The following DCBLD1 variants were observed in gnomAD, a reference collection of about 807,000 sequenced individuals.
DCBLD1 encodes discoidin, CUB and LCCL domain containing 1.
Under a neutral mutation model 71.5 loss-of-function variants are expected in DCBLD1, and 57 were observed. That is an observed-to-expected ratio of 0.80 (90% confidence interval 0.64 to 0.99). The LOEUF is 0.99. Ranked by LOEUF, DCBLD1 falls within the 50% of genes least tolerant of loss-of-function variation. DCBLD1 has a pLI of 0.00. For synonymous variants in DCBLD1, 380 were observed against 363.8 expected (o/e 1.04, Z -0.51); for missense variants, 891 against 923.5 (o/e 0.96, Z 0.46).
At position 117,482,836 on chromosome 6, in the gene DCBLD1, C is replaced by T. The variant is rs2114332551; in HGVS notation, c.55C>T (p.Leu19Phe). Residue 19 changes from leucine to phenylalanine, a missense_variant, in exon 1 of 15, where the codon CTC (leucine) becomes TTC (phenylalanine). Physicochemically the swap from Leu to Phe is conservative, Grantham distance 22. Transcript: ENST00000338728. ...ACTGGCGCGGGCTGCCGGGCGGGGC[C>T]TCCTGGCTTTGCTGCTCGCGGTCTC... ...GALARAAGRGLLALLLAVSAP... is the reference protein window; with the variant it reads ...GALARAAGRGFLALLLAVSAP... 3.4e-6 allele frequency: 4 copies of T among 1,175,736 alleles called. No individual in the cohort carries two copies. Among genetic ancestry groups the T allele is most frequent in the Non-Finnish European group, 3.1e-6 (3 of 952,944 alleles). The allele number at this position is 1,175,736 out of a possible 1,614,324, so 72.8% of individuals were successfully genotyped here.
chr6:117,507,249 G>T (rs1390004753), intron 2 of DCBLD1, among the ~76,000 whole-genome samples: 1 of 152,100 alleles, frequency 6.6e-6, no homozygotes, highest in Non-Finnish European at 1.5e-5. Flanking sequence ...TATACTTTGG[G>T]TATTTTGGTA....
intron 5 of DCBLD1, among the ~76,000 whole-genome samples, chr6:117,529,643 T>C (rs988324233): frequency 6.6e-6 from 1 of 152,196 alleles, no homozygotes; most frequent in African/African-American, 2.4e-5. Context: ...CAAATAAACA[T>C]CAATTTCCTT....
intron 14 of DCBLD1, among the ~76,000 whole-genome samples, chr6:117,547,411 G>C (rs2114574613): frequency 6.6e-6 from 1 of 152,322 alleles, no homozygotes; most frequent in South Asian, 2.1e-4. Context: ...GCCTGGCAAA[G>C]AGTAGGAGCT....
Position 117,547,927 on chromosome 6 carries a change from A to G in DCBLD1, c.1636A>G (p.Ile546Val). 1 of 1,550,426 alleles carries G rather than the reference A, an allele frequency of 6.4e-7. No homozygotes were observed. Among genetic ancestry groups the G allele is most frequent in the Non-Finnish European group, 8.7e-7 (1 of 1,146,930 alleles). The change falls in exon 15 of 15, where the codon ATT becomes GTT. Residue 546 changes from isoleucine (I) to valine (V), a missense_variant. Transcript: ENST00000338728. ...DMADYQQPLM[I>V]GTGTVTRKGS... The stretch of plus-strand genomic sequence containing the variant: ...TTCAGATTACCAGCAGCCCCTCATG[A>G]TTGGCACCGGGACAGTCACGAGGAA...
At chr6:117,521,429 TTTTAAAAAC>T in intron 3 of DCBLD1, 87 bp from the exon 4 acceptor site, 1 of 1,094,994 alleles carries the variant, frequency 9.1e-7, no homozygotes, top group Non-Finnish European at 1.3e-6. Context: ...AATAAATGCT[TTTTAAAAAC>T]TCTTTTATTT....
intron 2 of DCBLD1, among the ~76,000 whole-genome samples, chr6:117,519,030 T>C (rs1778299099): frequency 6.6e-6 from 1 of 152,210 alleles, no homozygotes. Context: ...AAAATTTGCT[T>C]GCTAATCTCT....
chr6:117,505,794 C>G (rs1777822034), intron 2 of DCBLD1, among the ~76,000 whole-genome samples: 1 of 152,022 alleles, frequency 6.6e-6, no homozygotes, highest in Non-Finnish European at 1.5e-5. Context: ...ACAGTGAGAC[C>G]CCCATCTCTA....
intron 14 of DCBLD1, chr6:117,560,800 CT>C: frequency 4.7e-6 from 1 of 213,316 alleles, no homozygotes; most frequent in Non-Finnish European, 9.5e-6. Context: ...CTCAACCATT[CT>C]GTTTGTGTAT....
rs777169618 is a variant in DCBLD1 at position 117,545,604 on chromosome 6, G to A, written c.1615+7G>A. On this transcript the variant is annotated splice_region_variant and intron_variant, in intron 14 of 14. Coordinates refer to ENST00000338728, the MANE Select transcript of DCBLD1 (RefSeq NM_001366458.2). ...ATCACAAGTGATATGGCAGGTAAGT[G>A]TCATATTTCTAGGACTGTGCTATTA... is the stretch of plus-strand genomic sequence containing the variant. 10 of 1,613,320 alleles carry A rather than the reference G, an allele frequency of 6.2e-6. No homozygotes were observed. The East Asian group carries it at 2.2e-4, about 36-fold the overall frequency.
chr6:117,512,409 A>C (rs1008105458), intron 2 of DCBLD1, among the ~76,000 whole-genome samples: 4 of 152,224 alleles, frequency 2.6e-5, no homozygotes, highest in Admixed American at 2.6e-4. Flanking sequence ...TTTTATGCTA[A>C]TTTCTCTCCT....
In DCBLD1 at chr6:117,548,213, C is replaced by T. The variant is rs1183126859; in HGVS notation, c.1922C>T (p.Pro641Leu). The T allele has an allele frequency of 1.3e-6, 2 of 1,550,466 alleles. No individual in the cohort carries two copies. Among genetic ancestry groups the T allele is most frequent in the African/African-American group, 1.4e-5 (1 of 73,072 alleles). Reference sequence around the variant, plus strand: ...TCCCTCTCCTCGGGCGGCTTCTCCCCCGTAGCGGGTGTGGGCGCCCAGGAC... The same window carrying T: ...TCCCTCTCCTCGGGCGGCTTCTCCCTCGTAGCGGGTGTGGGCGCCCAGGAC... ...KHSLSSGGFS[P>L]VAGVGAQDGD... Residue 641 changes from proline (P) to leucine (L), a missense_variant, in exon 15 of 15, where the codon CCC becomes CTC. By Grantham distance (98) the Pro-to-Leu change is moderately conservative. Transcript: ENST00000338728.
Position 117,548,828 on chromosome 6 carries a change from GA to G in DCBLD1, c.*393del. The G allele has an allele frequency of 9.4e-7, 1 of 1,059,058 alleles. No homozygotes were observed. Among genetic ancestry groups the G allele is most frequent in the Non-Finnish European group, 1.1e-6 (1 of 876,714 alleles). 65.6% of individuals were successfully genotyped at this position (1,059,058 alleles called of 1,614,324 possible). On this transcript the variant is annotated 3_prime_UTR_variant, in exon 15 of 15. Transcript: ENST00000338728. ...TTAGTTCTGCACAGAGGTTAAGTGGGAAAATGCAGCTGTTGCAAAATGTATA... is the reference window on the plus strand; with the variant it reads ...TTAGTTCTGCACAGAGGTTAAGTGGGAAATGCAGCTGTTGCAAAATGTATA...
intron 5 of DCBLD1, among the ~76,000 whole-genome samples, chr6:117,531,202 C>T (rs9387487): frequency 0.3 from 45,392 of 152,078 alleles, 7,926 homozygotes; most frequent in African/African-American, 0.49. Context: ...GCAGCATTGT[C>T]ATTAACAAAA....
chr6:117,555,834 TAAA>T (rs1779488895), intron 14 of DCBLD1, among the ~76,000 whole-genome samples: 1 of 152,068 alleles, frequency 6.6e-6, no homozygotes. Context: ...ATGGAAAAAA[TAAA>T]AATAATTGTT....
chr6:117,551,176 G>A (rs1051772648), downstream of DCBLD1, among the ~76,000 whole-genome samples: 4 of 152,112 alleles, frequency 2.6e-5, no homozygotes, highest in African/African-American at 9.7e-5. Flanking sequence ...TTACTACTAT[G>A]TATTGAGCTA....
intron 14 of DCBLD1, chr6:117,560,361 A>C (rs1342320083): frequency 5.5e-6 from 1 of 181,762 alleles, no homozygotes; most frequent in African/African-American, 2.4e-5. Context: ...AGGCTAATAA[A>C]AAAATATTAA....
intron 1 of DCBLD1, among the ~76,000 whole-genome samples, chr6:117,496,722 A>G (rs1252991804): frequency 6.6e-6 from 1 of 151,956 alleles, no homozygotes; most frequent in Non-Finnish European, 1.5e-5. Context: ...GTGATATTTT[A>G]GAGCACTCTT....
At chr6:117,569,527 T>C in intron 14 of DCBLD1, 1 of 1,601,212 alleles carries the variant, frequency 6.2e-7, no homozygotes, top group Non-Finnish European at 8.5e-7. Context: ...AATAGATTCA[T>C]AACCAATTGA....
At position 117,549,369 on chromosome 6, in the gene DCBLD1, C is replaced by T. The variant is rs1020124744; in HGVS notation, c.*930C>T. ...AAAGTGATTCTGACCAAGTCTAAAT[C>T]GAGCTTTTCTACTGACATGAAACTG... On this transcript the variant is annotated 3_prime_UTR_variant, in exon 15 of 15. Coordinates refer to ENST00000338728, the MANE Select transcript of DCBLD1 (RefSeq NM_001366458.2). The T allele has an allele frequency of 3.0e-6, 3 of 985,292 alleles. No individual in the cohort carries two copies. Among genetic ancestry groups the T allele is most frequent in the East Asian group, 1.1e-4 (1 of 8,828 alleles). The allele number at this position is 985,292 out of a possible 1,614,324, so 61.0% of individuals were successfully genotyped here. A position where few individuals can be genotyped will look rare whatever the true frequency, so the allele number is the denominator to read the frequency against.
Sources: gnomAD v4.1 joint callset for allele counts (sites outside exome capture counted in the v4.1 genomes callset) on GRCh38, gnomAD v4.1.1 for gene constraint, MANE v1.5 for transcripts, NCBI Gene and HGNC (gene_info 2026-07-23, HGNC 2026-07-21) for gene names.